The following ADAM9 variants were observed in gnomAD, a reference collection of about 807,000 sequenced individuals.
ADAM9 encodes the protein ADAM metallopeptidase domain 9.
In ADAM9, 54 loss-of-function variants were observed where a neutral mutation model predicts 108.1. That is an observed-to-expected ratio of 0.50 (90% CI 0.40 to 0.63). The LOEUF is 0.63. ADAM9 is among the 20% of genes least tolerant of loss of function. The pLI, the probability that ADAM9 is intolerant of heterozygous loss-of-function variation, is 0.00. For missense variants in ADAM9, 830 were observed against 997.7 expected (o/e 0.83, Z 2.26); for synonymous variants, 316 against 336.0 (o/e 0.94, Z 0.65).
At chr8:39,053,097 G>A (rs75729182) in intron 12 of ADAM9, among the ~76,000 whole-genome samples, 6,212 of 152,116 alleles carry the variant, frequency 0.041, 438 homozygotes, top group African/African-American at 0.14. Flanking sequence ...GATGCATTGA[G>A]CATGTTTTCA....
At position 39,045,572 on chromosome 8, in the gene ADAM9, A is replaced by G. The variant is rs13253009; in HGVS notation, c.1302+3455A>G. Among the ~76,000 whole-genome samples the G allele has an allele frequency of 4.9e-3, 105 of 21,646 alleles. 2 individuals carry two copies. The highest frequency in any genetic ancestry group is 0.043 in the South Asian group (24 of 562). 14.2% of individuals were successfully genotyped at this position (21,646 alleles called of 152,430 possible). ...TGTGTGTGTATATGTGTGTGTGTGT[A>G]TATATATATATATATAAAAGATTTT... On this transcript the variant is annotated intron_variant, in intron 12 of 21. Coordinates refer to ENST00000487273, the MANE Select transcript of ADAM9 (RefSeq NM_003816.3).
At chr8:39,036,711 G>A (rs1425014984) in intron 11 of ADAM9, among the ~76,000 whole-genome samples, 1 of 152,178 alleles carries the variant, frequency 6.6e-6, no homozygotes, top group Non-Finnish European at 1.5e-5. Flanking sequence ...ATGGCTAGTG[G>A]AAGGGTATTT....
chr8:39,076,270 G>A (rs1838847377), intron 15 of ADAM9: 1 of 152,136 alleles, frequency 6.6e-6, no homozygotes, highest in Non-Finnish European at 1.5e-5. Context: ...ATAGTGACCT[G>A]GTGAAGTAAG....
At chr8:39,059,950 A>G (rs1033827280) in intron 14 of ADAM9, among the ~76,000 whole-genome samples, 4 of 152,296 alleles carry the variant, frequency 2.6e-5, no homozygotes, top group African/African-American at 9.6e-5. Flanking sequence ...TTCTTTATGT[A>G]ACTTGTGCCT....
intron 4 of ADAM9, chr8:39,014,286 A>T: frequency 1.8e-6 from 1 of 567,478 alleles, no homozygotes; most frequent in Non-Finnish European, 3.1e-6. Context: ...TAAATCTTCT[A>T]TTTAATGGTA....
At chr8:39,022,194 T>C (rs759165211) in intron 8 of ADAM9, among the ~76,000 whole-genome samples, 1 of 152,128 alleles carries the variant, frequency 6.6e-6, no homozygotes. Context: ...TATGTTCTTA[T>C]AATTTTATCT....
At chr8:39,041,422 C>CT (rs1308638223) in intron 11 of ADAM9, among the ~76,000 whole-genome samples, 3 of 152,232 alleles carry the variant, frequency 2.0e-5, no homozygotes, top group Non-Finnish European at 4.4e-5. Context: ...AAATTCTACA[C>CT]TGTGCAGTCT....
rs1588430838 is a variant in ADAM9 at position 39,091,332 on chromosome 8, C to T, written c.2284C>T (p.Pro762Ser). ...SVPRHVSPVTPPREVPIYANR... is the reference protein window; with the variant it reads ...SVPRHVSPVTSPREVPIYANR... ...TCCTCGACATGTTTCTCCAGTGACA[C>T]CTCCCAGAGAAGTTGTAAGTATAAA... is the stretch of plus-strand genomic sequence containing the variant. The change falls in exon 20 of 22, where the codon CCT (proline) becomes TCT (serine). Residue 762 changes from proline (P) to serine (S), a missense_variant. By Grantham distance (74) the Pro-to-Ser change is moderately conservative. Coordinates refer to ENST00000487273, the MANE Select transcript of ADAM9 (RefSeq NM_003816.3). 3 of 1,613,806 alleles carry T rather than the reference C, an allele frequency of 1.9e-6. No homozygotes were observed. The highest frequency in any genetic ancestry group is 1.1e-5 in the South Asian group (1 of 91,076).
At chr8:39,044,394 T>A (rs1225582834) in intron 12 of ADAM9, among the ~76,000 whole-genome samples, 1 of 152,212 alleles carries the variant, frequency 6.6e-6, no homozygotes, top group Non-Finnish European at 1.5e-5. Flanking sequence ...TGATCTCATA[T>A]GTGTGGGTTT....
At chr8:39,100,983 A>C (rs1384192672) in intron 20 of ADAM9, among the ~76,000 whole-genome samples, 3 of 152,246 alleles carry the variant, frequency 2.0e-5, no homozygotes, top group Non-Finnish European at 2.9e-5. Context: ...AATGAATTCC[A>C]AAACCGAGGA....
intron 20 of ADAM9, among the ~76,000 whole-genome samples, chr8:39,093,107 G>T (rs1042827210): frequency 6.6e-6 from 1 of 152,074 alleles, no homozygotes; most frequent in Non-Finnish European, 1.5e-5. Flanking sequence ...GGTTCCATAT[G>T]AATTTTAGTA....
At position 39,082,684 on chromosome 8, in the gene ADAM9, A is replaced by G. The variant is rs768575373; in HGVS notation, c.1925A>G (p.Tyr642Cys). ...TGTGTAGATGCTTCTGTTCTGAATTATGACTGTGATGTTCAGAAAAAGTGT... is the reference window on the plus strand; with the variant it reads ...TGTGTAGATGCTTCTGTTCTGAATTGTGACTGTGATGTTCAGAAAAAGTGT... ...FQCVDASVLN[Y>C]DCDVQKKCHG... The change falls in exon 17 of 22, where the codon TAT becomes TGT. Residue 642 changes from tyrosine (Y) to cysteine (C), a missense_variant. Physicochemically the swap from Tyr to Cys is radical, Grantham distance 194. Around this residue, in one of 3 missense-constraint regions of ADAM9, gnomAD observed 238 missense variants for 235.7 expected, o/e 1.01. Transcript: ENST00000487273. 3.7e-6 allele frequency: 6 copies of G among 1,610,070 alleles called. No homozygotes were observed. Among genetic ancestry groups the G allele is most frequent in the Non-Finnish European group, 5.1e-6 (6 of 1,178,940 alleles).
chr8:39,003,163 T>A (rs1373732550), intron 1 of ADAM9, among the ~76,000 whole-genome samples: 3 of 152,236 alleles, frequency 2.0e-5, no homozygotes, highest in Non-Finnish European at 4.4e-5. Flanking sequence ...GTGTTTAAAA[T>A]GCAAAAGAGG....
At chr8:39,000,971 T>A (rs950648442) in intron 1 of ADAM9, among the ~76,000 whole-genome samples, 17 of 152,198 alleles carry the variant, frequency 1.1e-4, no homozygotes, top group African/African-American at 3.1e-4. Context: ...GGACGTTCCC[T>A]TTGATGAATT....
chr8:39,090,261 C>G, intron 19 of ADAM9, 73 bp downstream of exon 19: 5 of 1,354,702 alleles, frequency 3.7e-6, no homozygotes, highest in South Asian at 2.6e-5. Context: ...ATCTCGACTT[C>G]CCTGGGCTCA....
At chr8:39,102,394 C>G (rs960533335) in intron 21 of ADAM9, among the ~76,000 whole-genome samples, 1 of 152,084 alleles carries the variant, frequency 6.6e-6, no homozygotes, top group Non-Finnish European at 1.5e-5. Context: ...CTTTTCCTTC[C>G]TAGATGAGTT....
At chr8:39,014,679 T>G in intron 4 of ADAM9, 1 of 630,296 alleles carries the variant, frequency 1.6e-6, no homozygotes, top group South Asian at 1.9e-5. Context: ...TTTTTTCTTT[T>G]GCAATGGTTT....
chr8:39,061,485 T>A (rs1162531276), intron 14 of ADAM9, among the ~76,000 whole-genome samples: 1 of 152,218 alleles, frequency 6.6e-6, no homozygotes, highest in East Asian at 1.9e-4. Context: ...ATTTCAGATA[T>A]AGGGTTCTGT....
chr8:39,068,675 C>CAAAAAAAAAAAAAAAAAAAAAAAAAAA (rs562274321), intron 14 of ADAM9, among the ~76,000 whole-genome samples: 1 of 42,010 alleles, frequency 2.4e-5, no homozygotes, highest in Non-Finnish European at 4.6e-5. Context: ...AACTTCTCCT[C>CAAAAAAAAAAAAAAAAAAAAAAAAAAA]AAAAAAAAAA....
Sources: allele counts gnomAD v4.1 joint callset (sites outside exome capture counted in the v4.1 genomes callset), GRCh38; gene constraint gnomAD v4.1.1; regional missense constraint gnomAD v4.1.1; transcripts MANE v1.5; gene names NCBI Gene and HGNC (gene_info 2026-07-23, HGNC 2026-07-21).